SPRR2F: variants seen among roughly 807,000 people sequenced by gnomAD.
SPRR2F encodes small proline-rich protein 2F.
A neutral mutation model predicts 0.8 loss-of-function variants in SPRR2F; 2 were observed. The ratio of observed to expected loss-of-function variants is 2.52; its 90% CI spans 1.03 to 7.95. SPRR2F has a LOEUF of 7.95. SPRR2F is among the 30% of genes most tolerant of loss of function. The pLI, the probability that SPRR2F is intolerant of heterozygous loss-of-function variation, is 0.04. For synonymous variants in SPRR2F, 39 were observed against 33.4 expected (o/e 1.17, Z -0.58); for missense variants, 80 against 85.8 (o/e 0.93, Z 0.27).
chr1:153,114,542 G>A (rs558564728), upstream of SPRR2F, among the ~76,000 whole-genome samples: 4 of 152,118 alleles, frequency 2.6e-5, no homozygotes, highest in Non-Finnish European at 4.4e-5. Context: ...AGTGGAGATG[G>A]TCAGCGCACC....
upstream of SPRR2F, among the ~76,000 whole-genome samples, chr1:153,113,883 T>C (rs1655658518): frequency 1.3e-5 from 2 of 152,038 alleles, no homozygotes; most frequent in Admixed American, 1.3e-4. Context: ...CTTTACTGAA[T>C]GCCATATTGT....
Sources: gnomAD v4.1 joint callset for allele counts (sites outside exome capture counted in the v4.1 genomes callset) on GRCh38, gnomAD v4.1.1 for gene constraint, MANE v1.5 for transcripts, NCBI Gene and HGNC (gene_info 2026-07-23, HGNC 2026-07-21) for gene names.